PRKG1: variants seen among roughly 807,000 people sequenced by gnomAD.
PRKG1 encodes the protein cGMP-dependent protein kinase 1.
A neutral mutation model predicts 88.1 loss-of-function variants in PRKG1; 35 were observed. That is an observed-to-expected ratio of 0.40 (90% CI 0.30 to 0.53). The LOEUF (loss-of-function observed/expected upper bound fraction) is 0.53, where lower values mean the gene tolerates loss of function less well. Ranked by LOEUF, PRKG1 falls within the 20% of genes least tolerant of loss-of-function variation. The pLI, the probability that PRKG1 is intolerant of heterozygous loss-of-function variation, is 0.59. For missense variants in PRKG1, 540 were observed against 839.8 expected (o/e 0.64, Z 4.41); for synonymous variants, 303 against 292.5 (o/e 1.04, Z -0.37).
At chr10:52,099,764 G>T (rs2132563506) in intron 7 of PRKG1, among the ~76,000 whole-genome samples, 1 of 152,208 alleles carries the variant, frequency 6.6e-6, no homozygotes, top group African/African-American at 2.4e-5. Context: ...TATAAGCCTG[G>T]CTTGCCACTA....
chr10:51,424,639 C>T (rs868156755), intron 2 of PRKG1, among the ~76,000 whole-genome samples: 1 of 152,082 alleles, frequency 6.6e-6, no homozygotes, highest in African/African-American at 2.4e-5. Context: ...AACTGTGGAA[C>T]AGTTACATGA....
chr10:51,292,288 A>G (rs1016138702), intron 2 of PRKG1, among the ~76,000 whole-genome samples: 5 of 152,052 alleles, frequency 3.3e-5, no homozygotes, highest in African/African-American at 7.2e-5. Flanking sequence ...ACTGTCCACA[A>G]TCTCACTCTG....
intron 10 of PRKG1, among the ~76,000 whole-genome samples, chr10:52,264,965 A>G (rs1414728378): frequency 1.3e-5 from 2 of 152,012 alleles, no homozygotes; most frequent in African/African-American, 4.8e-5. Context: ...TACTTGGAGT[A>G]TTTCCCCTTT....
At chr10:52,146,862 T>C (rs1007648511) in intron 8 of PRKG1, among the ~76,000 whole-genome samples, 1 of 152,228 alleles carries the variant, frequency 6.6e-6, no homozygotes, top group Non-Finnish European at 1.5e-5. Context: ...TACAGTTTAC[T>C]CTCCAGTGAC....
At chr10:52,195,880 G>A (rs1839491312) in intron 9 of PRKG1, among the ~76,000 whole-genome samples, 1 of 152,180 alleles carries the variant, frequency 6.6e-6, no homozygotes, top group Non-Finnish European at 1.5e-5. Context: ...TAAAATATAT[G>A]AATTGGATAT....
chr10:51,976,594 G>C (rs1843840511), intron 5 of PRKG1, among the ~76,000 whole-genome samples: 1 of 151,994 alleles, frequency 6.6e-6, no homozygotes, highest in Non-Finnish European at 1.5e-5. Flanking sequence ...CTGGAGGCTG[G>C]GGTGGTAGGA....
intron 3 of PRKG1, among the ~76,000 whole-genome samples, chr10:51,799,669 A>G (rs796329709): frequency 6.6e-6 from 1 of 152,096 alleles, no homozygotes; most frequent in African/African-American, 2.4e-5. Context: ...TGTTTACTAA[A>G]TAGTATAAAA....
At chr10:51,957,410 G>A (rs776433701) in intron 5 of PRKG1, among the ~76,000 whole-genome samples, 18 of 151,450 alleles carry the variant, frequency 1.2e-4, no homozygotes, top group East Asian at 1.9e-4. Flanking sequence ...TCCTGCCACC[G>A]CATCTACAGT....
At chr10:51,368,708 A>G (rs763144474) in intron 2 of PRKG1, among the ~76,000 whole-genome samples, 1 of 152,132 alleles carries the variant, frequency 6.6e-6, no homozygotes. Flanking sequence ...AAAGAGTACT[A>G]GAATGTAGGA....
chr10:51,335,004 T>TC (rs1841838303), intron 2 of PRKG1, among the ~76,000 whole-genome samples: 1 of 134,234 alleles, frequency 7.4e-6, no homozygotes, highest in East Asian at 2.1e-4. Context: ...GGTTTCTTTT[T>TC]TTTTTTTTTT....
intron 2 of PRKG1, among the ~76,000 whole-genome samples, chr10:51,191,919 A>G (rs545623092): frequency 2.7e-4 from 41 of 151,966 alleles, no homozygotes; most frequent in African/African-American, 7.2e-4. Flanking sequence ...AACAGCAAAT[A>G]AAGTATCATT....
chr10:52,271,421 A>C lies in PRKG1; in HGVS notation c.1245A>C (p.Thr415=). The part of the protein sequence containing the change: ...KILKKRHIVD[T]RQQEHIRSEK... ...TCAAGAAACGTCACATTGTGGACAC[A>C]AGACAGCAGGAGCACATCCGCTCAG... The change falls in exon 11 of 18, where the codon ACA becomes ACC. Residue 415 remains threonine, a synonymous_variant. Transcript: ENST00000373980. 2 of 1,613,056 alleles carry C rather than the reference A, an allele frequency of 1.2e-6. No individual in the cohort carries two copies. Among genetic ancestry groups the C allele is most frequent in the Non-Finnish European group, 1.7e-6 (2 of 1,179,376 alleles).
intron 3 of PRKG1, among the ~76,000 whole-genome samples, chr10:51,517,483 G>A (rs542476006): frequency 2.6e-5 from 4 of 152,200 alleles, no homozygotes; most frequent in South Asian, 2.1e-4. Flanking sequence ...GGGACAGCAG[G>A]CGTCAAGGAT....
intron 3 of PRKG1, among the ~76,000 whole-genome samples, chr10:51,714,104 C>T (rs1478695061): frequency 7.9e-5 from 12 of 152,078 alleles, no homozygotes; most frequent in Non-Finnish European, 4.4e-5. Flanking sequence ...CTCAGCCTCC[C>T]GAGTAGCTGG....
chr10:51,380,154 C>T (rs1837040118), intron 2 of PRKG1, among the ~76,000 whole-genome samples: 1 of 152,134 alleles, frequency 6.6e-6, no homozygotes, highest in Non-Finnish European at 1.5e-5. Context: ...TTATTTTCCT[C>T]CAAAGCATTG....
intron 2 of PRKG1, among the ~76,000 whole-genome samples, chr10:51,298,719 A>G (rs934634695): frequency 1.3e-5 from 2 of 152,222 alleles, no homozygotes; most frequent in African/African-American, 4.8e-5. Flanking sequence ...ATGCCGATAG[A>G]ATTAAAAATT....
At chr10:51,665,763 A>G (rs1212955611) in intron 3 of PRKG1, among the ~76,000 whole-genome samples, 1 of 151,914 alleles carries the variant, frequency 6.6e-6, no homozygotes, top group Non-Finnish European at 1.5e-5. Flanking sequence ...GCTGCTCTGT[A>G]AAAGAAATTA....
chr10:51,218,286 G>T (rs1288529372), intron 2 of PRKG1, among the ~76,000 whole-genome samples: 1 of 151,676 alleles, frequency 6.6e-6, no homozygotes, highest in Non-Finnish European at 1.5e-5. Context: ...ACAGATATTT[G>T]TTTTGGTGAA....
intron 1 of PRKG1, among the ~76,000 whole-genome samples, chr10:51,136,018 A>G (rs1845677798): frequency 6.6e-6 from 1 of 151,292 alleles, no homozygotes; most frequent in Non-Finnish European, 1.5e-5. Context: ...CCTAATGCTA[A>G]ATGACGAGTT....
Sources: gnomAD v4.1 joint callset for allele counts (sites outside exome capture counted in the v4.1 genomes callset) on GRCh38, gnomAD v4.1.1 for gene constraint, MANE v1.5 for transcripts, NCBI Gene and HGNC (gene_info 2026-07-23, HGNC 2026-07-21) for gene names.